FKBP10: variants seen among roughly 807,000 people sequenced by gnomAD.
FKBP10 encodes peptidyl-prolyl cis-trans isomerase FKBP10.
FKBP10 carries 34 observed loss-of-function variants against 53.7 expected under a neutral mutation model. The observed-to-expected ratio is 0.63, with a 90% CI of 0.48 to 0.84. The LOEUF (loss-of-function observed/expected upper bound fraction) is 0.84. Among genes scored for constraint, FKBP10 ranks in the 40% least tolerant of loss-of-function variants. The pLI is 0.00. For synonymous variants in FKBP10, 324 were observed against 335.7 expected (o/e 0.97, Z 0.38); for missense variants, 748 against 797.8 (o/e 0.94, Z 0.75).
intron 7 of FKBP10, 195 bp from the exon 8 acceptor site, chr17:41,820,752 T>C (rs2047880424): frequency 2.5e-6 from 2 of 787,668 alleles, no homozygotes; most frequent in South Asian, 1.9e-5. Context: ...GGCCACACTT[T>C]AGGGGGCAGA....
At chr17:41,814,937 A>G (rs938992580) in intron 1 of FKBP10, among the ~76,000 whole-genome samples, 7 of 152,068 alleles carry the variant, frequency 4.6e-5, no homozygotes, top group Admixed American at 4.6e-4. Flanking sequence ...TTTGAGACAC[A>G]GTCTCACACT....
Position 41,820,469 on chromosome 17 carries a change from C to T in FKBP10, c.1256+8C>T, listed in dbSNP as rs1206061120. On this transcript the variant is annotated splice_region_variant and intron_variant, in intron 7 of 9. Coordinates refer to ENST00000321562, the MANE Select transcript of FKBP10 (RefSeq NM_021939.4). ...CACCCAGCTGTTCACCTCGTGGGTCCGGGGGGGGGCCGGGACTGGGCAGGT... is the reference window on the plus strand; with the variant it reads ...CACCCAGCTGTTCACCTCGTGGGTCTGGGGGGGGGCCGGGACTGGGCAGGT... 3.6e-5 allele frequency: 34 copies of T among 934,894 alleles called. No individual in the cohort carries two copies. The highest frequency in any genetic ancestry group is 6.8e-5 in the African/African-American group (4 of 59,090). The allele number at this position is 934,894 out of a possible 1,614,324, so 57.9% of individuals were successfully genotyped here. A position where few individuals can be genotyped will look rare whatever the true frequency, so the allele number is the denominator to read the frequency against.
intron 6 of FKBP10, 26 bp from the exon 7 acceptor site, chr17:41,820,243 A>G: frequency 6.2e-7 from 1 of 1,613,242 alleles, no homozygotes; most frequent in Non-Finnish European, 8.5e-7. Flanking sequence ...CTCTGAGCTG[A>G]CCACACTCCC....
At chr17:41,813,515 G>C (rs1555615735) in intron 1 of FKBP10, among the ~76,000 whole-genome samples, 1 of 152,104 alleles carries the variant, frequency 6.6e-6, no homozygotes, top group African/African-American at 2.4e-5. Context: ...GAAAGGACTC[G>C]ATAATCAAGG....
At chr17:41,818,325 G>C (rs1555616408) in intron 3 of FKBP10, 47 bp downstream of exon 3, 1 of 1,614,106 alleles carries the variant, frequency 6.2e-7, no homozygotes. Context: ...CTGTGGCATG[G>C]GGAGCGGGAA....
chr17:41,822,459 G>A lies in FKBP10; in HGVS notation c.*51G>A, dbSNP rs1555617429. 6.4e-7 allele frequency: 1 copy of A among 1,551,248 alleles called. No individual in the cohort carries two copies. Among genetic ancestry groups the A allele is most frequent in the Non-Finnish European group, 8.7e-7 (1 of 1,145,412 alleles). ...AGACACAGAGGCCCACTGCGAGGGG[G>A]ACAGTGGCGGTGGGACTGACCTGCT... On this transcript the variant is annotated 3_prime_UTR_variant, in exon 10 of 10. Transcript: ENST00000321562.
At chr17:41,821,431 T>C (rs1307279069) in intron 8 of FKBP10, among the ~76,000 whole-genome samples, 1 of 152,138 alleles carries the variant, frequency 6.6e-6, no homozygotes, top group Non-Finnish European at 1.5e-5. Flanking sequence ...CCCGAGACCG[T>C]AATCTGACTG....
chr17:41,820,919 G>C, intron 7 of FKBP10, 28 bp from the exon 8 acceptor site: 1 of 1,607,588 alleles, frequency 6.2e-7, no homozygotes. Flanking sequence ...CAGGGTGGCT[G>C]CTGACCTGGG....
At chr17:41,820,805 C>T in intron 7 of FKBP10, 142 bp from the exon 8 acceptor site, 2 of 1,211,406 alleles carry the variant, frequency 1.7e-6, no homozygotes, top group Non-Finnish European at 2.3e-6. Context: ...AGCTGGGCCC[C>T]TGCACTCTGC....
In FKBP10 at chr17:41,821,834, T is replaced by C. The variant is rs782810622; in HGVS notation, c.1563+17T>C. On this transcript the variant is annotated intron_variant, in intron 9 of 9. Transcript: ENST00000321562. ...CCGGAGGAGGTGGGTGAAGGTTCAG[T>C]CCTAATAGCCATGCCCACGCAATCC... The C allele has an allele frequency of 5.0e-6, 8 of 1,613,832 alleles. No individual in the cohort carries two copies. Among genetic ancestry groups the C allele is most frequent in the Middle Eastern group, 1.7e-4 (1 of 6,024 alleles).
At chr17:41,821,841 A>G (rs1476782473) in intron 9 of FKBP10, 24 bp downstream of exon 9, 18 of 1,613,674 alleles carry the variant, frequency 1.1e-5, no homozygotes, top group Non-Finnish European at 1.4e-5. Context: ...CAGTCCTAAT[A>G]GCCATGCCCA....
At chr17:41,821,623 ACCC>A in intron 8 of FKBP10, 28 bp from the exon 9 acceptor site, 1 of 1,612,284 alleles carries the variant, frequency 6.2e-7, no homozygotes, top group Non-Finnish European at 8.5e-7. Flanking sequence ...CCTGACTAGG[ACCC>A]CTCCCTTCTC....
Position 41,813,013 on chromosome 17 carries a change from G to C in FKBP10, c.-22G>C. 2.5e-6 allele frequency: 4 copies of C among 1,608,996 alleles called. No homozygotes were observed. In the South Asian group the frequency reaches 3.3e-5, roughly 13 times the overall value. On this transcript the variant is annotated 5_prime_UTR_variant, in exon 1 of 10. Transcript: ENST00000321562. ...GACTCCCTCGCTCGCCCTCACTGCC[G>C]GCGGTCCCAACTCCAGGCACCATGT...
chr17:41,820,431 C>G lies in FKBP10; in HGVS notation c.1226C>G (p.Ser409Cys). Residue 409 changes from serine to cysteine, a missense_variant, in exon 7 of 10, where the codon TCT becomes TGT. Ser to Cys is a moderately radical substitution (Grantham distance 112). Coordinates refer to ENST00000321562, the MANE Select transcript of FKBP10 (RefSeq NM_021939.4). Reference sequence around the variant, plus strand: ...TTTGTTCGATACCATTACAACTGTTCTTTGCTGGACGGCACCCAGCTGTTC... The same window carrying G: ...TTTGTTCGATACCATTACAACTGTTGTTTGCTGGACGGCACCCAGCTGTTC... Reference protein sequence around the residue: ...GDFVRYHYNCSLLDGTQLFTS... With the variant: ...GDFVRYHYNCCLLDGTQLFTS... The G allele has an allele frequency of 6.2e-7, 1 of 1,612,718 alleles. No individual in the cohort carries two copies.
At position 41,821,751 on chromosome 17, in the gene FKBP10, G is replaced by T. The variant is rs2047894130; in HGVS notation, c.1497G>T (p.Lys499Asn). ...CAGGCTACCTGTTTGTGTGGCACAA[G>T]GACCCTCCTGCCAACCTGTTTGAAG... ...LPTGYLFVWH[K>N]DPPANLFEDM... is the part of the protein sequence containing the mutation. The change falls in exon 9 of 10, where the codon AAG becomes AAT. Residue 499 changes from lysine to asparagine, a missense_variant. Transcript: ENST00000321562. 4 of 1,614,188 alleles carry T rather than the reference G, an allele frequency of 2.5e-6. No individual in the cohort carries two copies. Among genetic ancestry groups the T allele is most frequent in the Non-Finnish European group, 3.4e-6 (4 of 1,180,022 alleles).
At chr17:41,816,068 G>A (rs1319343110) in intron 1 of FKBP10, among the ~76,000 whole-genome samples, 2 of 151,482 alleles carry the variant, frequency 1.3e-5, no homozygotes, top group Non-Finnish European at 2.9e-5. Flanking sequence ...AACCCGGGAG[G>A]TGGAGGTTGC....
chr17:41,820,563 G>A (rs952401011), intron 7 of FKBP10, 102 bp downstream of exon 7: 8 of 1,223,572 alleles, frequency 6.5e-6, no homozygotes, highest in Non-Finnish European at 7.1e-6. Flanking sequence ...CTTGGTCCTC[G>A]AGCGCCAGGG....
chr17:41,820,484 A>G (rs1555616882), intron 7 of FKBP10, 23 bp downstream of exon 7: 2 of 1,611,646 alleles, frequency 1.2e-6, no homozygotes, highest in East Asian at 4.5e-5. Flanking sequence ...GGGGGCCGGG[A>G]CTGGGCAGGT....
chr17:41,816,227 C>CT (rs781896839), intron 1 of FKBP10, among the ~76,000 whole-genome samples: 2,809 of 77,046 alleles, frequency 0.036, 391 homozygotes, highest in Middle Eastern at 0.054. Context: ...TTAGAATAGG[C>CT]TTTTTTTTTT....
Sources: allele counts gnomAD v4.1 joint callset (sites outside exome capture counted in the v4.1 genomes callset), GRCh38; gene constraint gnomAD v4.1.1; transcripts MANE v1.5; gene names NCBI Gene and HGNC (gene_info 2026-07-23, HGNC 2026-07-21).